The following MACROD1 variants were observed in gnomAD, a reference collection of about 807,000 sequenced individuals.
MACROD1 encodes the protein ADP-ribose glycohydrolase MACROD1.
A neutral mutation model predicts 41.4 loss-of-function variants in MACROD1; 31 were observed. The observed-to-expected ratio is 0.75, with a 90% CI of 0.56 to 1.01. MACROD1 has a LOEUF of 1.01. Ranked by LOEUF, MACROD1 falls within the 50% of genes least tolerant of loss-of-function variation. The probability of loss-of-function intolerance (pLI) is 0.00; values close to 1 mark genes in which losing one functional copy is unlikely to be tolerated. For synonymous variants in MACROD1, 252 were observed against 203.4 expected (o/e 1.24, Z -2.03); for missense variants, 473 against 460.0 (o/e 1.03, Z -0.26).
chr11:64,101,977 C>T (rs1013928835), intron 3 of MACROD1, among the ~76,000 whole-genome samples: 8 of 152,192 alleles, frequency 5.3e-5, no homozygotes, highest in Non-Finnish European at 7.4e-5. Flanking sequence ...CTGTGAGCCC[C>T]GTGGGCAGCC....
rs1284263680 is a variant in MACROD1, at chr11:64,096,808, GGGCTGCCGTGTCCCCATACCCT to G, written c.517+54409_517+54430del. Among the ~76,000 whole-genome samples the G allele has an allele frequency of 6.6e-6, 1 of 152,166 alleles. No homozygotes were observed. Among genetic ancestry groups the G allele is most frequent in the East Asian group, 1.9e-4 (1 of 5,184 alleles). On this transcript the variant is annotated intron_variant, in intron 3 of 10. Coordinates refer to ENST00000255681, the MANE Select transcript of MACROD1 (RefSeq NM_014067.4). The surrounding 1 kb of genome is among the most constrained non-coding windows in gnomAD (Gnocchi z 4.6). ...GAGGGGAAGAGGGCAGGCCTGTGGG[GGGCTGCCGTGTCCCCATACCCT>G]CCAAGCACACTGCCAGCTGTGTCCC... is the stretch of plus-strand genomic sequence containing the variant.
intron 1 of MACROD1, among the ~76,000 whole-genome samples, chr11:64,156,592 C>T (rs1329557478): frequency 6.6e-6 from 1 of 152,236 alleles, no homozygotes; most frequent in African/African-American, 2.4e-5. Flanking sequence ...AGAGAGGAGG[C>T]AGAGTGACCT....
intron 3 of MACROD1, among the ~76,000 whole-genome samples, chr11:64,023,726 C>T (rs564235230): frequency 9.9e-5 from 15 of 152,124 alleles, no homozygotes; most frequent in African/African-American, 3.4e-4. Flanking sequence ...CTCCCCTGTA[C>T]CTCAGAGCGG....
At chr11:64,105,396 C>T (rs538227417) in intron 3 of MACROD1, among the ~76,000 whole-genome samples, 5 of 152,328 alleles carry the variant, frequency 3.3e-5, no homozygotes, top group South Asian at 4.1e-4. Context: ...AAGAAACAAA[C>T]GCTCTGGGCA....
intron 3 of MACROD1, chr11:64,126,741 G>A (rs1945188169): frequency 6.6e-6 from 1 of 151,752 alleles, no homozygotes; most frequent in Non-Finnish European, 1.5e-5. Flanking sequence ...TAACCGCCCG[G>A]GTCAGAGGGA....
In MACROD1 at chr11:64,082,651, C is replaced by A. The variant is rs928088633; in HGVS notation, c.518-67370G>T. On this transcript the variant is annotated intron_variant, in intron 3 of 10. Coordinates refer to ENST00000255681, the MANE Select transcript of MACROD1 (RefSeq NM_014067.4). The surrounding 1 kb of genome is among the most constrained non-coding windows in gnomAD (Gnocchi z 4.5). ...GCACCAGGTGGGAGGGTGGGGACCC[C>A]CAGCCTGGAGCCCCAGACCCCTGTC... Among the ~76,000 whole-genome samples the A allele has an allele frequency of 2.0e-5, 3 of 152,084 alleles. No homozygotes were observed. The highest frequency in any genetic ancestry group is 4.4e-5 in the Non-Finnish European group (3 of 67,990).
rs529903775 is a variant in MACROD1 at position 64,128,125 on chromosome 11, C to T, written c.517+23114G>A. Among the ~76,000 whole-genome samples, 6 of 152,130 alleles carry T rather than the reference C, an allele frequency of 3.9e-5. No homozygotes were observed. The East Asian group carries it at 9.7e-4, about 25-fold the overall frequency. On this transcript the variant is annotated intron_variant, in intron 3 of 10. Transcript: ENST00000255681. ...CTCTGCCCCACCCTCCTCCTCCATC[C>T]TCACCTCCTGTCCTGCCAGGGCAGG...
intron 3 of MACROD1, among the ~76,000 whole-genome samples, chr11:64,091,491 G>T (rs796960868): frequency 6.7e-5 from 10 of 150,186 alleles, no homozygotes; most frequent in African/African-American, 2.2e-4. Flanking sequence ...CAGGGGTGAG[G>T]CTGGGGTGGG....
intron 3 of MACROD1, among the ~76,000 whole-genome samples, chr11:64,018,061 G>T (rs559683638): frequency 1.1e-4 from 17 of 152,332 alleles, no homozygotes; most frequent in Non-Finnish European, 2.1e-4. Flanking sequence ...CTGAGGAGGG[G>T]GTGAGCTGGG....
intron 3 of MACROD1, among the ~76,000 whole-genome samples, chr11:64,032,040 C>A (rs1466099431): frequency 6.6e-6 from 1 of 152,188 alleles, no homozygotes; most frequent in Non-Finnish European, 1.5e-5. Context: ...GACCACTGCC[C>A]TGGGATGGCT....
rs1355665609 is a variant in MACROD1, at chr11:64,064,244, G to C, written c.518-48963C>G. Among the ~76,000 whole-genome samples, 1 of 152,190 alleles carries C rather than the reference G, an allele frequency of 6.6e-6. No homozygotes were observed. Among genetic ancestry groups the C allele is most frequent in the Admixed American group, 6.5e-5 (1 of 15,284 alleles). ...AAAATCCCAAACTGCACAGCCTAGG[G>C]TTGGGGACAAAAAGCAACCAAGCCA... On this transcript the variant is annotated intron_variant, in intron 3 of 10. Coordinates refer to ENST00000255681, the MANE Select transcript of MACROD1 (RefSeq NM_014067.4). This position sits in a 1 kb window ranked among gnomAD's most constrained non-coding sequence, Gnocchi z 4.5.
chr11:64,117,147 C>A (rs776473102), intron 3 of MACROD1: 5 of 1,613,772 alleles, frequency 3.1e-6, no homozygotes, highest in Non-Finnish European at 4.2e-6. Flanking sequence ...GGCCAAGATG[C>A]GTGAGCTGGA....
intron 1 of MACROD1, among the ~76,000 whole-genome samples, chr11:64,162,060 A>C (rs1945762962): frequency 1.5e-5 from 2 of 135,610 alleles, no homozygotes; most frequent in South Asian, 5.0e-4. Flanking sequence ...GTTTTAAAAC[A>C]TTAGCAGCCC....
rs1942800260 is a variant in MACROD1, at chr11:64,000,318, G to C, written c.573C>G (p.Ala191=). The C allele has an allele frequency of 6.3e-7, 1 of 1,589,674 alleles. No individual in the cohort carries two copies. The change falls in exon 5 of 11, where the codon GCC becomes GCG. Residue 191 remains alanine, a synonymous_variant. Transcript: ENST00000255681. ...GGVDGCIHRA[A]GPLLTDECRT... ...GGCACTCGTCGGTAAGCAGGGGGCCGGCGGCCCGATGAATGCAGCCGTCCA... is the reference window on the plus strand; with the variant it reads ...GGCACTCGTCGGTAAGCAGGGGGCCCGCGGCCCGATGAATGCAGCCGTCCA...
At chr11:64,001,881 G>A (rs1590788585) in intron 4 of MACROD1, 4 of 656,682 alleles carry the variant, frequency 6.1e-6, no homozygotes, top group Non-Finnish European at 1.1e-5. Context: ...TCCTGGCTCT[G>A]CCAGCCACAG....
intron 3 of MACROD1, among the ~76,000 whole-genome samples, chr11:64,029,663 C>T (rs573381018): frequency 1.3e-5 from 2 of 152,148 alleles, no homozygotes; most frequent in South Asian, 4.1e-4. Context: ...CCCCACCCCC[C>T]TCTCGGACCC....
At position 64,100,286 on chromosome 11, in the gene MACROD1, G is replaced by C. The variant is rs370803873; in HGVS notation, c.517+50953C>G. On this transcript the variant is annotated intron_variant, in intron 3 of 10. Transcript: ENST00000255681. ...TGCAGAGATGTGAGATTGGGCACTT[G>C]GCTTTCTTTCCCTCCTTTCAAATTT... Among the ~76,000 whole-genome samples the C allele has an allele frequency of 1.6e-4, 24 of 152,298 alleles. 1 individual carries two copies. In the South Asian group the frequency reaches 5.0e-3, roughly 32 times the overall value.
At chr11:64,106,945 G>A (rs1385239273) in intron 3 of MACROD1, among the ~76,000 whole-genome samples, 1 of 151,996 alleles carries the variant, frequency 6.6e-6, no homozygotes, top group Non-Finnish European at 1.5e-5. Flanking sequence ...GCAGTGGCAC[G>A]ATCTCTCGGC....
At chr11:64,163,630 G>A (rs1318121034) in intron 1 of MACROD1, among the ~76,000 whole-genome samples, 3 of 152,184 alleles carry the variant, frequency 2.0e-5, no homozygotes, top group African/African-American at 7.2e-5. Context: ...CATTTTATGG[G>A]AGGGAGCTGT....
Sources: allele counts gnomAD v4.1 joint callset (sites outside exome capture counted in the v4.1 genomes callset), GRCh38; gene constraint gnomAD v4.1.1; non-coding constraint Gnocchi (gnomAD v3.1); transcripts MANE v1.5; gene names NCBI Gene and HGNC (gene_info 2026-07-23, HGNC 2026-07-21).